The following NLRC3 variants were observed in gnomAD, a reference collection of about 807,000 sequenced individuals.
The protein encoded by NLRC3 is NLR family CARD domain-containing protein 3.
Under a neutral mutation model 91.6 loss-of-function variants are expected in NLRC3, and 87 were observed. That is an observed-to-expected ratio of 0.95 (90% CI 0.80 to 1.14). The LOEUF is 1.14. Among genes scored for constraint, NLRC3 ranks in the 50% most tolerant of loss-of-function variants. NLRC3 has a pLI of 0.00. For synonymous variants in NLRC3, 694 were observed against 625.3 expected, an observed-to-expected ratio of 1.11 and a Z score of -1.64; for missense variants, 1,577 against 1,418.6, an observed-to-expected ratio of 1.11 and a Z score of -1.79.
chr16:3,545,011 T>C (rs1296617357), intron 15 of NLRC3: 2 of 151,290 alleles, frequency 1.3e-5, no homozygotes, highest in African/African-American at 4.9e-5. Context: ...CCATTCTTGC[T>C]AATTAGGGCT....
rs1323427382 is a variant in NLRC3, at chr16:3,577,228, C to A, written c.-248G>T. 1 of 702,672 alleles carries A rather than the reference C, an allele frequency of 1.4e-6. No individual in the cohort carries two copies. 43.5% of individuals were successfully genotyped at this position (702,672 alleles called of 1,614,324 possible). On this transcript the variant is annotated 5_prime_UTR_variant, in exon 1 of 20. Coordinates refer to ENST00000359128, the MANE Select transcript of NLRC3 (RefSeq NM_178844.4). ...TCCATCTCCATGCTCCTGGGCTCAG[C>A]CCTGCTCCAGCTGCGTGGTGGTAGA...
rs766513565 is a variant in NLRC3 at position 3,543,491 on chromosome 16, A to T, written c.2873T>A (p.Ile958Asn). Residue 958 changes from isoleucine (I) to asparagine (N), a missense_variant, in exon 17 of 20, where the codon ATT becomes AAT. Physicochemically the swap from Ile to Asn is moderately radical, Grantham distance 149. Coordinates refer to ENST00000359128, the MANE Select transcript of NLRC3 (RefSeq NM_178844.4). The stretch of plus-strand genomic sequence containing the variant: ...TAGCACCTGGGCGCCTGAAGCACCA[A>T]TTGAGGCCACCTGGAGACTGGGGCG... ...LTALYLQVASIGASGAQVLGE... is the reference protein window; with the variant it reads ...LTALYLQVASNGASGAQVLGE... The T allele has an allele frequency of 8.6e-5, 139 of 1,612,876 alleles. No homozygotes were observed. The highest frequency in any genetic ancestry group is 1.7e-4 in the Admixed American group (10 of 59,916).
At chr16:3,562,224 C>A (rs556955845) in intron 5 of NLRC3, among the ~76,000 whole-genome samples, 1 of 152,270 alleles carries the variant, frequency 6.6e-6, no homozygotes, top group African/African-American at 2.4e-5. Context: ...AAGTCCTAAC[C>A]CCCTGTGCCC....
At chr16:3,569,404 T>TA (rs1168008040) in intron 1 of NLRC3, among the ~76,000 whole-genome samples, 5 of 103,756 alleles carry the variant, frequency 4.8e-5, no homozygotes, top group South Asian at 7.5e-4. Context: ...ATTATTTTTT[T>TA]TTTTTTTTTT....
chr16:3,557,643 G>C lies in NLRC3; in HGVS notation c.2049C>G (p.Ala683=). The change falls in exon 7 of 20, where the codon GCC becomes GCG. Residue 683 remains alanine (A), a synonymous_variant. Coordinates refer to ENST00000359128, the MANE Select transcript of NLRC3 (RefSeq NM_178844.4). ...CCAAGAGGGATCTGGCCAGAGCTTT[G>C]GCCCCTTTGTTACTGATCTGGTTCT... ...LAENQISNKG[A]KALARSLLVN... The C allele has an allele frequency of 6.2e-7, 1 of 1,613,684 alleles. No individual in the cohort carries two copies. The highest frequency in any genetic ancestry group is 1.1e-5 in the South Asian group (1 of 91,008).
chr16:3,568,770 T>A (rs1464066925), intron 1 of NLRC3, among the ~76,000 whole-genome samples: 2 of 152,144 alleles, frequency 1.3e-5, no homozygotes, highest in Non-Finnish European at 2.9e-5. Flanking sequence ...TTGCCTCATG[T>A]GTATGGGTCC....
intron 6 of NLRC3, 46 bp downstream of exon 6, chr16:3,561,656 C>T (rs1440160652): frequency 7.5e-7 from 1 of 1,331,528 alleles, no homozygotes; most frequent in Admixed American, 1.7e-5. Flanking sequence ...GGTTCCATAC[C>T]CCACAAGACC....
chr16:3,561,262 G>C (rs1567141045), intron 6 of NLRC3, among the ~76,000 whole-genome samples: 1 of 151,996 alleles, frequency 6.6e-6, no homozygotes, highest in Non-Finnish European at 1.5e-5. Context: ...TTAGAGAACT[G>C]CTTGAGCCTG....
Position 3,541,802 on chromosome 16 carries a change from T to A in NLRC3, c.*23A>T, listed in dbSNP as rs768610320. On this transcript the variant is annotated 3_prime_UTR_variant, in exon 20 of 20. Transcript: ENST00000359128. Reference sequence around the variant, plus strand: ...AAGCTTCCAGCTGAGCATCTGCCCATTCTCCTGATCCGTCCACCAGGATCA... The same window carrying A: ...AAGCTTCCAGCTGAGCATCTGCCCAATCTCCTGATCCGTCCACCAGGATCA... 1 of 1,534,196 alleles carries A rather than the reference T, an allele frequency of 6.5e-7. No individual in the cohort carries two copies. Among genetic ancestry groups the A allele is most frequent in the Admixed American group, 1.7e-5 (1 of 58,692 alleles).
At chr16:3,548,063 TG>T in intron 15 of NLRC3, 71 bp downstream of exon 15, 1 of 1,026,002 alleles carries the variant, frequency 9.7e-7, no homozygotes, top group Non-Finnish European at 1.5e-6. Flanking sequence ...CTCTGCCTGA[TG>T]GGTACCAGGT....
chr16:3,543,835 C>T (rs1443047348), intron 16 of NLRC3: 2 of 379,446 alleles, frequency 5.3e-6, no homozygotes, highest in Admixed American at 3.9e-5. Context: ...GAAAATCAAA[C>T]ACACCTTCCT....
chr16:3,557,535 G>T, intron 7 of NLRC3, 58 bp downstream of exon 7: 1 of 1,044,148 alleles, frequency 9.6e-7, no homozygotes, highest in East Asian at 2.4e-5. Context: ...TTCACAAGAT[G>T]CCTCACAACT....
At chr16:3,546,505 C>G (rs1214928370) in intron 15 of NLRC3, among the ~76,000 whole-genome samples, 1 of 151,782 alleles carries the variant, frequency 6.6e-6, no homozygotes, top group Non-Finnish European at 1.5e-5. Flanking sequence ...TGCAGTGAGC[C>G]GAGATCACGC....
rs1198506578 is a variant in NLRC3, at chr16:3,564,511, G to T, written c.426C>A (p.Ile142=). ...SRVSVPPRVS[I]TIGVAGMGKT... ...TGCCCATGCCGGCCACCCCGATAGT[G>T]ATGGAGACCCGGGGTGGGACAGACA... Residue 142 remains isoleucine, a synonymous_variant, in exon 5 of 20, where the codon ATC becomes ATA. Coordinates refer to ENST00000359128, the MANE Select transcript of NLRC3 (RefSeq NM_178844.4). This position sits in a 1 kb window ranked among gnomAD's most constrained non-coding sequence, Gnocchi z 5.9. The T allele has an allele frequency of 6.2e-7, 1 of 1,612,382 alleles. No individual in the cohort carries two copies. The highest frequency in any genetic ancestry group is 1.3e-5 in the African/African-American group (1 of 75,078).
intron 5 of NLRC3, 131 bp from the exon 6 acceptor site, chr16:3,561,919 CCCAGTGCTCAGA>C: frequency 1.5e-6 from 1 of 671,610 alleles, no homozygotes; most frequent in South Asian, 1.6e-5. Flanking sequence ...TGCGCTCAGC[CCCAGTGCTCAGA>C]CCTTTCCCGT....
rs114742849 is a variant in NLRC3, at chr16:3,552,095, A to G, written c.2351+101T>C. Reference sequence around the variant, plus strand: ...CACCCATCCATCCATTCACCTATCCATCAATCCATCCATCCATCCTCAGGC... The same window carrying G: ...CACCCATCCATCCATTCACCTATCCGTCAATCCATCCATCCATCCTCAGGC... On this transcript the variant is annotated intron_variant, in intron 10 of 19. Coordinates refer to ENST00000359128, the MANE Select transcript of NLRC3 (RefSeq NM_178844.4). 8.1e-4 allele frequency: 613 copies of G among 758,648 alleles called. 4 individuals carry two copies. The African/African-American group carries it at 8.8e-3, about 11-fold the overall frequency. The allele number at this position is 758,648 out of a possible 1,614,324, so 47.0% of individuals were successfully genotyped here.
At position 3,562,857 on chromosome 16, in the gene NLRC3, A is replaced by T. The variant is rs1157462983; in HGVS notation, c.1928+152T>A. ...TTCTGGCCTCCAGAACTGCGAGAAAACACACTTTAGTTGTTTTAAGCCACC... is the reference window on the plus strand; with the variant it reads ...TTCTGGCCTCCAGAACTGCGAGAAATCACACTTTAGTTGTTTTAAGCCACC... On this transcript the variant is annotated intron_variant, in intron 5 of 19. Coordinates refer to ENST00000359128, the MANE Select transcript of NLRC3 (RefSeq NM_178844.4). 5.2e-6 allele frequency: 4 copies of T among 768,522 alleles called. No homozygotes were observed. The Admixed American group carries it at 8.0e-5, about 15-fold the overall frequency. The allele number at this position is 768,522 out of a possible 1,614,324, so 47.6% of individuals were successfully genotyped here.
At chr16:3,545,179 C>T (rs2038628178) in intron 15 of NLRC3, 1 of 152,264 alleles carries the variant, frequency 6.6e-6, no homozygotes, top group African/African-American at 2.4e-5. Context: ...GGCGCAGTGG[C>T]TCACACCTTT....
At chr16:3,548,527 G>C in intron 14 of NLRC3, 143 bp downstream of exon 14, 1 of 655,112 alleles carries the variant, frequency 1.5e-6, no homozygotes, top group Non-Finnish European at 2.7e-6. Context: ...ACAGTCTGCT[G>C]GCAGCAGGCT....
Sources: gnomAD v4.1 joint callset for allele counts (sites outside exome capture counted in the v4.1 genomes callset) on GRCh38, gnomAD v4.1.1 for gene constraint, Gnocchi (gnomAD v3.1) non-coding constraint, MANE v1.5 for transcripts, NCBI Gene and HGNC (gene_info 2026-07-23, HGNC 2026-07-21) for gene names.